The following PLA2G4A variants were observed in gnomAD, a reference collection of about 807,000 sequenced individuals.
PLA2G4A encodes phospholipase A2 group IVA.
Under a neutral mutation model 81.9 loss-of-function variants are expected in PLA2G4A, and 40 were observed. That is an observed-to-expected ratio of 0.49 (90% confidence interval 0.38 to 0.64). The LOEUF (loss-of-function observed/expected upper bound fraction) is 0.64, where lower values mean the gene tolerates loss of function less well. Among genes scored for constraint, PLA2G4A ranks in the 30% least tolerant of loss-of-function variants. The pLI, the probability that PLA2G4A is intolerant of heterozygous loss-of-function variation, is 0.00. For missense variants in PLA2G4A, 715 were observed against 905.1 expected, an observed-to-expected ratio of 0.79 and a Z score of 2.69; for synonymous variants, 302 against 296.9, an observed-to-expected ratio of 1.02 and a Z score of -0.18.
intron 1 of PLA2G4A, among the ~76,000 whole-genome samples, chr1:186,831,014 CTT>C: frequency 7.4e-6 from 1 of 135,328 alleles, no homozygotes; most frequent in African/African-American, 2.7e-5. Context: ...TTCTTTCTTT[CTT>C]TCTTTTTCTT....
intron 17 of PLA2G4A, among the ~76,000 whole-genome samples, chr1:186,981,524 A>G (rs1159973609): frequency 1.3e-5 from 2 of 152,238 alleles, no homozygotes; most frequent in African/African-American, 4.8e-5. Context: ...CCATTAATTT[A>G]GCAGTTTTAA....
chr1:186,843,827 A>G (rs1652073500), intron 1 of PLA2G4A, among the ~76,000 whole-genome samples: 1 of 152,202 alleles, frequency 6.6e-6, no homozygotes, highest in African/African-American at 2.4e-5. Context: ...TTCAAATGTC[A>G]GATCAGTTAC....
At chr1:186,902,099 G>T (rs1654561192) in intron 5 of PLA2G4A, among the ~76,000 whole-genome samples, 1 of 152,108 alleles carries the variant, frequency 6.6e-6, no homozygotes, top group African/African-American at 2.4e-5. Context: ...CTCCTAAGCT[G>T]CAAGCCTGTA....
At chr1:186,880,793 G>A (rs953822374) in intron 3 of PLA2G4A, among the ~76,000 whole-genome samples, 9 of 151,922 alleles carry the variant, frequency 5.9e-5, no homozygotes, top group South Asian at 2.1e-4. Context: ...AGAAACATCC[G>A]TACATTCTAA....
In PLA2G4A at chr1:186,921,520, C is replaced by G. The variant is rs568727798; in HGVS notation, c.558+10131C>G. ...ATCTACCCCAGTATATTGCTTCTCT[C>G]TCAGGGGCATTTGGATTCCAGTCTT... is the stretch of plus-strand genomic sequence containing the variant. On this transcript the variant is annotated intron_variant, in intron 7 of 17. Coordinates refer to ENST00000367466, the MANE Select transcript of PLA2G4A (RefSeq NM_024420.3). Among the ~76,000 whole-genome samples, 9 of 152,284 alleles carry G rather than the reference C, an allele frequency of 5.9e-5. No homozygotes were observed. The South Asian group carries it at 1.9e-3, about 32-fold the overall frequency.
chr1:186,900,386 C>T lies in PLA2G4A; in HGVS notation c.378+6175C>T, dbSNP rs12720540. Among the ~76,000 whole-genome samples the T allele has an allele frequency of 1.9e-3, 283 of 152,346 alleles. No individual in the cohort carries two copies. The South Asian group carries it at 0.021, about 11-fold the overall frequency. ...AAGCACTAAATAAATATTAAATATT[C>T]TCACTCTAATTATAATTGACCAGAT... On this transcript the variant is annotated intron_variant, in intron 5 of 17. Transcript: ENST00000367466.
chr1:186,912,037 C>T (rs1055465465), intron 7 of PLA2G4A, among the ~76,000 whole-genome samples: 3 of 152,136 alleles, frequency 2.0e-5, no homozygotes, highest in Non-Finnish European at 2.9e-5. Context: ...AATTGCCCAC[C>T]TTCCACCTTT....
At chr1:186,962,101 G>A (rs1656966019) in intron 14 of PLA2G4A, among the ~76,000 whole-genome samples, 1 of 127,422 alleles carries the variant, frequency 7.8e-6, no homozygotes, top group African/African-American at 3.0e-5. Flanking sequence ...GTATCACAAT[G>A]TCTGTATTCA....
chr1:186,958,181 C>T (rs1243704518), intron 14 of PLA2G4A, among the ~76,000 whole-genome samples: 3 of 152,084 alleles, frequency 2.0e-5, no homozygotes, highest in Admixed American at 2.0e-4. Flanking sequence ...TGGCATCAAA[C>T]TCTAGGATAT....
At chr1:186,867,298 G>A (rs1249775268) in intron 2 of PLA2G4A, among the ~76,000 whole-genome samples, 1 of 152,052 alleles carries the variant, frequency 6.6e-6, no homozygotes, top group Non-Finnish European at 1.5e-5. Context: ...GGAAAGAAAT[G>A]ACATCTTTAC....
chr1:186,946,565 A>G, intron 10 of PLA2G4A, 72 bp from the exon 11 acceptor site: 1 of 1,010,410 alleles, frequency 9.9e-7, no homozygotes, highest in South Asian at 1.3e-5. Context: ...TATTAAAGTG[A>G]TCATTAATTG....
intron 12 of PLA2G4A, among the ~76,000 whole-genome samples, chr1:186,948,733 C>G (rs1161196986): frequency 6.6e-6 from 1 of 152,060 alleles, no homozygotes; most frequent in African/African-American, 2.4e-5. Flanking sequence ...TGAGAAGGTT[C>G]TTTGTTGAGA....
chr1:186,920,243 T>A (rs948351806), intron 7 of PLA2G4A, among the ~76,000 whole-genome samples: 3 of 152,136 alleles, frequency 2.0e-5, no homozygotes, highest in African/African-American at 7.2e-5. Flanking sequence ...GTAAAGGAGA[T>A]GGTGGCTCTC....
intron 7 of PLA2G4A, among the ~76,000 whole-genome samples, chr1:186,914,958 G>A (rs1044064496): frequency 6.6e-6 from 1 of 152,120 alleles, no homozygotes; most frequent in Non-Finnish European, 1.5e-5. Flanking sequence ...GAAGCATTTT[G>A]GTGAACTAAA....
chr1:186,945,135 C>A (rs1196265450), intron 10 of PLA2G4A, among the ~76,000 whole-genome samples: 1 of 151,982 alleles, frequency 6.6e-6, no homozygotes, highest in Non-Finnish European at 1.5e-5. Flanking sequence ...TCAGCAAAGA[C>A]CCTAAAATAA....
At chr1:186,921,491 C>A (rs1655349004) in intron 7 of PLA2G4A, among the ~76,000 whole-genome samples, 1 of 152,186 alleles carries the variant, frequency 6.6e-6, no homozygotes, top group Non-Finnish European at 1.5e-5. Flanking sequence ...ATGTGTCTGT[C>A]CTCATCTACC....
chr1:186,937,607 C>T (rs1655999499), intron 8 of PLA2G4A, among the ~76,000 whole-genome samples: 1 of 151,286 alleles, frequency 6.6e-6, no homozygotes, highest in Non-Finnish European at 1.5e-5. Context: ...TGTTACCCTC[C>T]ATTTATTAAC....
Position 186,854,299 on chromosome 1 carries a change from T to C in PLA2G4A, c.-56T>C, listed in dbSNP as rs1652477097. On this transcript the variant is annotated 5_prime_UTR_variant, in exon 2 of 18. Transcript: ENST00000367466. ...TTTATTTTGTAGGTTTTAAAGACGC[T>C]AGAGTGCCAAAGAAGACTTTGAAGT... 9.9e-7 allele frequency: 1 copy of C among 1,006,766 alleles called. No homozygotes were observed. The highest frequency in any genetic ancestry group is 1.6e-6 in the Non-Finnish European group (1 of 626,892). The allele number at this position is 1,006,766 out of a possible 1,614,324, so 62.4% of individuals were successfully genotyped here.
At chr1:186,900,612 GTTATAGTGGCCCA>G (rs1654502020) in intron 5 of PLA2G4A, among the ~76,000 whole-genome samples, 1 of 152,188 alleles carries the variant, frequency 6.6e-6, no homozygotes, top group Non-Finnish European at 1.5e-5. Flanking sequence ...GTGGTTTGGG[GTTATAGTGGCCCA>G]TTTTAAAGTG....
Sources: gnomAD v4.1 joint callset for allele counts (sites outside exome capture counted in the v4.1 genomes callset) on GRCh38, gnomAD v4.1.1 for gene constraint, MANE v1.5 for transcripts, NCBI Gene and HGNC (gene_info 2026-07-23, HGNC 2026-07-21) for gene names.